CA12: variants seen among roughly 807,000 people sequenced by gnomAD.
The protein encoded by CA12 is carbonate dehydratase XII.
In CA12, 36 loss-of-function variants were observed where a neutral mutation model predicts 46.8. The observed-to-expected ratio is 0.77, with a 90% CI of 0.59 to 1.02. CA12 has a LOEUF of 1.02. Among genes scored for constraint, CA12 ranks in the 50% least tolerant of loss-of-function variants. CA12 has a pLI of 0.00. For missense variants in CA12, 436 were observed against 451.4 expected, an observed-to-expected ratio of 0.97 and a Z score of 0.31; for synonymous variants, 202 against 187.0, an observed-to-expected ratio of 1.08 and a Z score of -0.65.
At position 63,328,725 on chromosome 15, in the gene CA12, G is replaced by C. The variant is rs190134699; in HGVS notation, c.875-595C>G. ...GTTTGTTTGTGTTTTTTTTGAGACA[G>C]AGTCTCGCTCTGTCACACATGCTGG... is the stretch of plus-strand genomic sequence containing the variant. On this transcript the variant is annotated intron_variant, in intron 8 of 10. Transcript: ENST00000178638. This position sits in a 1 kb window ranked among gnomAD's most constrained non-coding sequence, Gnocchi z 5.9. Among the ~76,000 whole-genome samples the C allele has an allele frequency of 6.6e-6, 1 of 151,972 alleles. No homozygotes were observed. The highest frequency in any genetic ancestry group is 2.4e-5 in the African/African-American group (1 of 41,344).
At position 63,325,686 on chromosome 15, in the gene CA12, C is replaced by G. The variant is rs1291986225; in HGVS notation, c.*599G>C. 1 of 168,122 alleles carries G rather than the reference C, an allele frequency of 5.9e-6. No individual in the cohort carries two copies. Among genetic ancestry groups the G allele is most frequent in the South Asian group, 1.5e-4 (1 of 6,656 alleles). 10.4% of individuals were successfully genotyped at this position (168,122 alleles called of 1,614,324 possible). On this transcript the variant is annotated 3_prime_UTR_variant, in exon 11 of 11. Transcript: ENST00000178638. This position sits in a 1 kb window ranked among gnomAD's most constrained non-coding sequence, Gnocchi z 4.9. ...AGAGGACAGGACTGTGAAAGTGTCC[C>G]TAATATATCACAATGTATATCTCTT...
At chr15:63,347,143 T>G (rs1293788414) in intron 2 of CA12, among the ~76,000 whole-genome samples, 4 of 152,230 alleles carry the variant, frequency 2.6e-5, no homozygotes, top group Non-Finnish European at 5.9e-5. Context: ...GGGAAGAATT[T>G]AGCAAATCTG....
chr15:63,326,778 C>T (rs2038872502), intron 10 of CA12, among the ~76,000 whole-genome samples: 1 of 152,166 alleles, frequency 6.6e-6, no homozygotes, highest in Non-Finnish European at 1.5e-5. Context: ...GGTTTTCCTT[C>T]ATCTTTCTTT....
chr15:63,350,878 A>G (rs921974133), intron 2 of CA12, among the ~76,000 whole-genome samples: 2 of 152,122 alleles, frequency 1.3e-5, no homozygotes, highest in African/African-American at 4.8e-5. Flanking sequence ...CCCCTTATCT[A>G]CCTGGATAAC....
At position 63,328,130 on chromosome 15, in the gene CA12, A is replaced by G. The variant is rs777438004; in HGVS notation, c.875T>C (p.Val292Ala). 1.9e-6 allele frequency: 3 copies of G among 1,613,880 alleles called. No individual in the cohort carries two copies. In the African/African-American group the frequency reaches 4.0e-5, roughly 22 times the overall value. Residue 292 changes from valine (V) to alanine (A), a missense_variant and splice_region_variant, in exon 9 of 11, where the codon GTG becomes GCG. Transcript: ENST00000178638. The surrounding 1 kb of genome is among the most constrained non-coding windows in gnomAD (Gnocchi z 5.9). ...ERLVYTSFSQVQVCTAAGLSL... is the reference protein window; with the variant it reads ...ERLVYTSFSQAQVCTAAGLSL... ...CAGTCCTGCCGCAGTACAGACTTGC[A>G]CTTAAAAGGGGAGAGGAAAAGACGA... is the stretch of plus-strand genomic sequence containing the variant.
Position 63,345,472 on chromosome 15 carries a change from C to T in CA12, c.429+5G>A. The T allele has an allele frequency of 6.2e-7, 1 of 1,605,708 alleles. No homozygotes were observed. Among genetic ancestry groups the T allele is most frequent in the Non-Finnish European group, 8.5e-7 (1 of 1,179,946 alleles). On this transcript the variant is annotated splice_donor_5th_base_variant and intron_variant, in intron 4 of 10. Coordinates refer to ENST00000178638, the MANE Select transcript of CA12 (RefSeq NM_001218.5). This position sits in a 1 kb window ranked among gnomAD's most constrained non-coding sequence, Gnocchi z 4.3. Reference sequence around the variant, plus strand: ...AGCCTCTGCCAGACTGGCAGCCCTACTTACCTCGGCGGCGAAGTGCTGTCC... The same window carrying T: ...AGCCTCTGCCAGACTGGCAGCCCTATTTACCTCGGCGGCGAAGTGCTGTCC...
At chr15:63,356,493 G>T (rs145391000) in intron 2 of CA12, among the ~76,000 whole-genome samples, 1 of 149,056 alleles carries the variant, frequency 6.7e-6, no homozygotes, top group Admixed American at 6.8e-5. Context: ...GCCTTAAAAC[G>T]TTAAGATAGA....
At position 63,342,091 on chromosome 15, in the gene CA12, T is replaced by C. The variant is rs780862016; in HGVS notation, c.436A>G (p.Ile146Val). ...SGQHFAAELH[I>V]VHYNSDLYPD... ...TAAAGGTCTGAGTTATAATGGACAATGTGCAGCTGCAGTGGGGGAGAAGCC... is the reference window on the plus strand; with the variant it reads ...TAAAGGTCTGAGTTATAATGGACAACGTGCAGCTGCAGTGGGGGAGAAGCC... The change falls in exon 5 of 11, where the codon ATT becomes GTT. Residue 146 changes from isoleucine (I) to valine (V), a missense_variant. By Grantham distance (29) the Ile-to-Val change is conservative (BLOSUM62 3). Coordinates refer to ENST00000178638, the MANE Select transcript of CA12 (RefSeq NM_001218.5). 1.9e-6 allele frequency: 3 copies of C among 1,611,930 alleles called. No homozygotes were observed.
At position 63,345,464 on chromosome 15, in the gene CA12, C is replaced by T. The variant is rs777915485; in HGVS notation, c.429+13G>A. ...TGCAGAGCAGCCTCTGCCAGACTGG[C>T]AGCCCTACTTACCTCGGCGGCGAAG... On this transcript the variant is annotated intron_variant, in intron 4 of 10. Transcript: ENST00000178638. The surrounding 1 kb of genome is among the most constrained non-coding windows in gnomAD (Gnocchi z 4.3). The T allele has an allele frequency of 2.7e-5, 43 of 1,604,366 alleles. No homozygotes were observed. The South Asian group carries it at 3.1e-4, about 11-fold the overall frequency.
In CA12 at chr15:63,345,429, C is replaced by T; in HGVS notation, c.429+48G>A. ...CAGCAGCCAGGTCGAGAAGGTGCCA[C>T]ACCACCCACTGCAGAGCAGCCTCTG... On this transcript the variant is annotated intron_variant, in intron 4 of 10. Coordinates refer to ENST00000178638, the MANE Select transcript of CA12 (RefSeq NM_001218.5). The surrounding 1 kb of genome is among the most constrained non-coding windows in gnomAD (Gnocchi z 4.3). 6.3e-7 allele frequency: 1 copy of T among 1,599,430 alleles called. No individual in the cohort carries two copies. The highest frequency in any genetic ancestry group is 8.5e-7 in the Non-Finnish European group (1 of 1,179,024).
rs778854558 is a variant in CA12, at chr15:63,338,870, G to T, written c.823C>A (p.Arg275=). 11 of 1,614,158 alleles carry T rather than the reference G, an allele frequency of 6.8e-6. No homozygotes were observed. ...CTCTCATCGAACTTCTGGACCTGCC[G>T]GAAGTTGTTGATCATTTCTCTGGGG... ...PSPREMINNF[R]QVQKFDERLV... is the part of the protein sequence containing the mutation. The change falls in exon 8 of 11, where the codon CGG becomes AGG. Residue 275 remains arginine, a synonymous_variant. Transcript: ENST00000178638.
chr15:63,378,647 T>G lies in CA12; in HGVS notation c.86-2969A>C, dbSNP rs1019860642. The G allele has an allele frequency of 3.3e-5, 5 of 152,222 alleles. No individual in the cohort carries two copies. Among genetic ancestry groups the G allele is most frequent in the African/African-American group, 1.2e-4 (5 of 41,466 alleles). The allele number at this position is 152,222 out of a possible 1,614,324, so 9.4% of individuals were successfully genotyped here. Reference sequence around the variant, plus strand: ...AAAGCATTGCTTTCAAACCAAGCTATAGAAGACATAAAACCTCTTCTGGAC... The same window carrying G: ...AAAGCATTGCTTTCAAACCAAGCTAGAGAAGACATAAAACCTCTTCTGGAC... On this transcript the variant is annotated intron_variant, in intron 1 of 10. Transcript: ENST00000178638. This position sits in a 1 kb window ranked among gnomAD's most constrained non-coding sequence, Gnocchi z 4.8.
chr15:63,374,641 T>G lies in CA12; in HGVS notation c.106+1017A>C, dbSNP rs1344009639. Among the ~76,000 whole-genome samples the G allele has an allele frequency of 6.6e-6, 1 of 152,170 alleles. No individual in the cohort carries two copies. The highest frequency in any genetic ancestry group is 2.1e-4 in the South Asian group (1 of 4,828). ...CCTTGGCCTGTGGGTAGCTGGTTGG[T>G]CAGTTCAGTGACTTTTCTATGCATC... is the stretch of plus-strand genomic sequence containing the variant. On this transcript the variant is annotated intron_variant, in intron 2 of 10. Coordinates refer to ENST00000178638, the MANE Select transcript of CA12 (RefSeq NM_001218.5). The surrounding 1 kb of genome is among the most constrained non-coding windows in gnomAD (Gnocchi z 4.4).
Position 63,328,199 on chromosome 15 carries a change from G to C in CA12, c.875-69C>G. 4 of 1,376,890 alleles carry C rather than the reference G, an allele frequency of 2.9e-6. No individual in the cohort carries two copies. Among genetic ancestry groups the C allele is most frequent in the Non-Finnish European group, 2.1e-6 (2 of 964,942 alleles). The allele number at this position is 1,376,890 out of a possible 1,614,324, so 85.3% of individuals were successfully genotyped here. On this transcript the variant is annotated intron_variant, in intron 8 of 10. Coordinates refer to ENST00000178638, the MANE Select transcript of CA12 (RefSeq NM_001218.5). This position sits in a 1 kb window ranked among gnomAD's most constrained non-coding sequence, Gnocchi z 5.9. ...CCACACTGGATTTGAGCAGCGTGTTGAGAGACGCTCTACCATTTGTTTGGT... is the reference window on the plus strand; with the variant it reads ...CCACACTGGATTTGAGCAGCGTGTTCAGAGACGCTCTACCATTTGTTTGGT...
intron 2 of CA12, among the ~76,000 whole-genome samples, chr15:63,362,921 G>A (rs34598221): frequency 0.039 from 5,883 of 152,246 alleles, 146 homozygotes; most frequent in Non-Finnish European, 0.055. Context: ...GGAGGCATTC[G>A]ACCAACCTGC....
intron 2 of CA12, among the ~76,000 whole-genome samples, chr15:63,356,728 C>T (rs2039300674): frequency 1.3e-5 from 2 of 152,200 alleles, no homozygotes; most frequent in Middle Eastern, 6.8e-3. Flanking sequence ...TCACCAGTCT[C>T]GATCTCCTGA....
chr15:63,364,332 G>GAAAAACAAAAAAAAAAAAAAAA (rs2039408441), intron 2 of CA12, among the ~76,000 whole-genome samples: 1 of 56,138 alleles, frequency 1.8e-5, no homozygotes, highest in Non-Finnish European at 3.0e-5. Flanking sequence ...CCCGTCACTA[G>GAAAAACAAAAAAAAAAAAAAAA]AAAAAAAAAA....
intron 10 of CA12, 93 bp from the exon 11 acceptor site, chr15:63,326,450 A>G: frequency 2.1e-6 from 2 of 975,022 alleles, no homozygotes; most frequent in Non-Finnish European, 3.3e-6. Flanking sequence ...GCCGTTTTTA[A>G]AAGTTGGATT....
chr15:63,323,083 C>T lies in CA12; in HGVS notation c.*3202G>A, dbSNP rs2038814633. The T allele has an allele frequency of 6.6e-6, 1 of 152,246 alleles. No homozygotes were observed. Among genetic ancestry groups the T allele is most frequent in the Middle Eastern group, 3.4e-3 (1 of 294 alleles). The allele number at this position is 152,246 out of a possible 1,614,324, so 9.4% of individuals were successfully genotyped here. On this transcript the variant is annotated 3_prime_UTR_variant, in exon 11 of 11. Coordinates refer to ENST00000178638, the MANE Select transcript of CA12 (RefSeq NM_001218.5). The surrounding 1 kb of genome is among the most constrained non-coding windows in gnomAD (Gnocchi z 5.1). ...GATAGTATGTTTTGCAAAAAGAATT[C>T]AAAATAAGGTAACAGGCAACCAAGA...
Sources: allele counts gnomAD v4.1 joint callset (sites outside exome capture counted in the v4.1 genomes callset), GRCh38; gene constraint gnomAD v4.1.1; non-coding constraint Gnocchi (gnomAD v3.1); transcripts MANE v1.5; gene names NCBI Gene and HGNC (gene_info 2026-07-23, HGNC 2026-07-21).